Variants in ERBB4 observed in about 807,000 individuals in gnomAD.
ERBB4 encodes receptor tyrosine-protein kinase erbB-4.
ERBB4 carries 42 observed loss-of-function variants against 158.0 expected under a neutral mutation model. The observed-to-expected ratio is 0.27, with a 90% CI of 0.21 to 0.34. ERBB4 has a LOEUF of 0.34. ERBB4 is among the 10% of genes least tolerant of loss of function. The pLI, the probability that ERBB4 is intolerant of heterozygous loss-of-function variation, is 1.00. For missense variants in ERBB4, 1,333 were observed against 1,624.1 expected, an observed-to-expected ratio of 0.82 and a Z score of 3.08; for synonymous variants, 583 against 558.7, an observed-to-expected ratio of 1.04 and a Z score of -0.61.
chr2:212,416,870 C>T (rs550026535), intron 1 of ERBB4, among the ~76,000 whole-genome samples: 1 of 152,004 alleles, frequency 6.6e-6, no homozygotes, highest in Non-Finnish European at 1.5e-5. Flanking sequence ...ATATTTAAAT[C>T]CTTAATCTGA....
intron 1 of ERBB4, among the ~76,000 whole-genome samples, chr2:212,141,865 A>T (rs2080489624): frequency 6.6e-6 from 1 of 152,102 alleles, no homozygotes; most frequent in African/African-American, 2.4e-5. Context: ...ATATAAAACA[A>T]TTTTACATCT....
chr2:211,599,292 AC>A (rs2068728269), intron 19 of ERBB4, among the ~76,000 whole-genome samples: 1 of 152,166 alleles, frequency 6.6e-6, no homozygotes, highest in Non-Finnish European at 1.5e-5. Context: ...TCGTATGCAT[AC>A]TTTTTCTGAA....
At chr2:211,858,098 A>C (rs2077917093) in intron 3 of ERBB4, among the ~76,000 whole-genome samples, 1 of 152,222 alleles carries the variant, frequency 6.6e-6, no homozygotes, top group Admixed American at 6.5e-5. Context: ...ATGTTCACAC[A>C]CATAACGTCT....
intron 9 of ERBB4, among the ~76,000 whole-genome samples, chr2:211,710,158 A>G (rs1418188653): frequency 6.6e-6 from 1 of 152,158 alleles, no homozygotes; most frequent in East Asian, 1.9e-4. Flanking sequence ...TTTAATATAT[A>G]AAAGTGGAAT....
At chr2:212,523,200 C>G (rs566913260) in intron 1 of ERBB4, among the ~76,000 whole-genome samples, 2 of 151,930 alleles carry the variant, frequency 1.3e-5, no homozygotes, top group African/African-American at 4.8e-5. Context: ...GTACATCTGT[C>G]TTTTTATCTC....
rs375475915 is a variant in ERBB4 at position 212,171,737 on chromosome 2, G to A, written c.83-46834C>T. Among the ~76,000 whole-genome samples the A allele has an allele frequency of 7.2e-5, 11 of 152,076 alleles. No homozygotes were observed. In the South Asian group the frequency reaches 1.2e-3, roughly 17 times the overall value. On this transcript the variant is annotated intron_variant, in intron 1 of 27. Coordinates refer to ENST00000342788, the MANE Select transcript of ERBB4 (RefSeq NM_005235.3). ...TCTTGCCTGCTGCCACGTAAGACAC[G>A]CCTCTTCGCCTTCCACCATGATTGT...
intron 2 of ERBB4, among the ~76,000 whole-genome samples, chr2:211,963,703 T>G (rs2081243199): frequency 6.6e-6 from 1 of 151,398 alleles, no homozygotes; most frequent in South Asian, 2.1e-4. Flanking sequence ...GTTGATTTGA[T>G]TTTTTTTCAT....
At chr2:211,693,994 CT>C (rs2072917373) in intron 12 of ERBB4, among the ~76,000 whole-genome samples, 1 of 152,120 alleles carries the variant, frequency 6.6e-6, no homozygotes, top group African/African-American at 2.4e-5. Flanking sequence ...ACATGGCGTT[CT>C]CATTTGTGTG....
rs541686026 is a variant in ERBB4, at chr2:212,314,256, A to T, written c.83-189353T>A. On this transcript the variant is annotated intron_variant, in intron 1 of 27. Coordinates refer to ENST00000342788, the MANE Select transcript of ERBB4 (RefSeq NM_005235.3). ...AGTTTGTATGAGTACATAGTTTCTC[A>T]GACTTTGTCTACCCCTTCCTCAACT... Among the ~76,000 whole-genome samples, 239 of 151,142 alleles carry T rather than the reference A, an allele frequency of 1.6e-3. 1 individual carries two copies. Among genetic ancestry groups the T allele is most frequent in the Admixed American group, 3.3e-3 (50 of 15,124 alleles).
chr2:211,823,884 A>G (rs1211575333), intron 3 of ERBB4, among the ~76,000 whole-genome samples: 1 of 152,094 alleles, frequency 6.6e-6, no homozygotes, highest in Non-Finnish European at 1.5e-5. Flanking sequence ...CAATGTTTAC[A>G]TTCAAAGAGA....
chr2:212,003,216 G>GAAAGACA (rs1491317567), intron 2 of ERBB4, among the ~76,000 whole-genome samples: 26 of 34,484 alleles, frequency 7.5e-4, no homozygotes, highest in East Asian at 3.8e-3. Flanking sequence ...ACAGAAAGAA[G>GAAAGACA]GAAGGAAGGA....
chr2:211,968,352 T>A (rs957386626), intron 2 of ERBB4, among the ~76,000 whole-genome samples: 21 of 152,060 alleles, frequency 1.4e-4, no homozygotes, highest in African/African-American at 5.1e-4. Context: ...TTTCAAGAAT[T>A]GCTTGGCCAG....
intron 2 of ERBB4, among the ~76,000 whole-genome samples, chr2:211,976,328 GA>G (rs752742526): frequency 3.9e-5 from 6 of 152,138 alleles, no homozygotes; most frequent in Non-Finnish European, 7.4e-5. Flanking sequence ...TTTAATCACA[GA>G]CTGCTTCAAA....
At chr2:211,513,705 T>C (rs147828626) in intron 20 of ERBB4, among the ~76,000 whole-genome samples, 2,091 of 152,212 alleles carry the variant, frequency 0.014, 22 homozygotes, top group Non-Finnish European at 0.02. Flanking sequence ...AATAGGTCTT[T>C]GGCAGGCGCC....
chr2:212,371,540 G>A (rs1413734321), intron 1 of ERBB4, among the ~76,000 whole-genome samples: 1 of 152,144 alleles, frequency 6.6e-6, no homozygotes, highest in African/African-American at 2.4e-5. Context: ...TCCAATGCAA[G>A]TTCTATTGTA....
At position 211,732,013 on chromosome 2, in the gene ERBB4, T is replaced by C. The variant is rs1303941984; in HGVS notation, c.623-6819A>G. ...TGGGGAAGGTGTCAGAAAATTCATT[T>C]TTTTTTTTTATTTGGAGCCTTAAGA... is the stretch of plus-strand genomic sequence containing the variant. On this transcript the variant is annotated intron_variant, in intron 5 of 27. Transcript: ENST00000342788. Among the ~76,000 whole-genome samples the C allele has an allele frequency of 3.3e-5, 5 of 151,928 alleles. No individual in the cohort carries two copies. In the South Asian group the frequency reaches 6.2e-4, roughly 19 times the overall value.
At chr2:211,788,312 A>G (rs2076214006) in intron 3 of ERBB4, among the ~76,000 whole-genome samples, 153 bp from the exon 4 acceptor site, 1 of 152,166 alleles carries the variant, frequency 6.6e-6, no homozygotes, top group Admixed American at 6.6e-5. Context: ...CTTTCAATGA[A>G]TCATATACAT....
chr2:212,015,893 T>C (rs1029654715), intron 2 of ERBB4, among the ~76,000 whole-genome samples: 3 of 152,162 alleles, frequency 2.0e-5, no homozygotes, highest in African/African-American at 7.2e-5. Context: ...TCCATTTGCA[T>C]TCCACACTCT....
rs1455433950 is a variant in ERBB4 at position 211,577,477 on chromosome 2, C to G, written c.2302-15389G>C. 2.6e-5 allele frequency among the ~76,000 whole-genome samples: 4 copies of G among 152,026 alleles called. 1 individual carries two copies. The highest frequency in any genetic ancestry group is 5.9e-5 in the Non-Finnish European group (4 of 68,002). ...CTCATTTTATGAGGCCAGTATCATCCTGACACCAAAACCTGGCAGAGATAC... is the reference window on the plus strand; with the variant it reads ...CTCATTTTATGAGGCCAGTATCATCGTGACACCAAAACCTGGCAGAGATAC... On this transcript the variant is annotated intron_variant, in intron 19 of 27. Transcript: ENST00000342788.
Sources: gnomAD v4.1 joint callset for allele counts (sites outside exome capture counted in the v4.1 genomes callset) on GRCh38, gnomAD v4.1.1 for gene constraint, MANE v1.5 for transcripts, NCBI Gene and HGNC (gene_info 2026-07-23, HGNC 2026-07-21) for gene names.